CPA6: variants seen among roughly 807,000 people sequenced by gnomAD.
CPA6 encodes the protein carboxypeptidase B.
CPA6 carries 58 observed loss-of-function variants against 63.3 expected under a neutral mutation model. The ratio of observed to expected loss-of-function variants is 0.92; its 90% CI spans 0.74 to 1.14. The LOEUF is 1.14. CPA6 is among the 50% of genes most tolerant of loss of function. The pLI, the probability that CPA6 is intolerant of heterozygous loss-of-function variation, is 0.00. For synonymous variants in CPA6, 185 were observed against 179.0 expected, an observed-to-expected ratio of 1.03 and a Z score of -0.27; for missense variants, 565 against 526.6, an observed-to-expected ratio of 1.07 and a Z score of -0.71.
At chr8:67,697,074 C>G (rs1816925674) in intron 1 of CPA6, among the ~76,000 whole-genome samples, 1 of 152,158 alleles carries the variant, frequency 6.6e-6, no homozygotes. Flanking sequence ...GAAATAGTCT[C>G]AGAGAGATTG....
rs953378346 is a variant in CPA6 at position 67,436,007 on chromosome 8, G to A, written c.839-1767C>T. Among the ~76,000 whole-genome samples the A allele has an allele frequency of 4.6e-5, 7 of 151,076 alleles. 1 individual carries two copies. Among genetic ancestry groups the A allele is most frequent in the Admixed American group, 2.0e-4 (3 of 15,262 alleles). On this transcript the variant is annotated intron_variant, in intron 8 of 10. Transcript: ENST00000297770. The stretch of plus-strand genomic sequence containing the variant: ...CAGGGCTTGGGGGAGGGCGTAAGGT[G>A]GGGGGAAATGCCACAGCTTTTAGCA...
intron 1 of CPA6, among the ~76,000 whole-genome samples, chr8:67,660,374 A>G (rs1490739879): frequency 7.9e-6 from 1 of 126,810 alleles, no homozygotes; most frequent in African/African-American, 3.3e-5. Flanking sequence ...CTGTCACCCA[A>G]GCTGGAGCAG....
Position 67,677,662 on chromosome 8 carries a change from G to A in CPA6, c.117-53411C>T, listed in dbSNP as rs1207815893. Among the ~76,000 whole-genome samples the A allele has an allele frequency of 3.9e-5, 6 of 152,154 alleles. 1 individual carries two copies. Among genetic ancestry groups the A allele is most frequent in the Admixed American group, 3.9e-4 (6 of 15,288 alleles). ...GATCCAAAGAGACATAGATACAAGT[G>A]TAAAGATATAGATGTTATTTTCTGG... On this transcript the variant is annotated intron_variant, in intron 1 of 10. Transcript: ENST00000297770.
intron 1 of CPA6, among the ~76,000 whole-genome samples, chr8:67,738,178 T>C (rs1277102265): frequency 6.6e-6 from 1 of 152,206 alleles, no homozygotes; most frequent in Admixed American, 6.5e-5. Flanking sequence ...GCTGTAGTTA[T>C]CTCTAACATG....
At chr8:67,715,529 A>C (rs1001451293) in intron 1 of CPA6, among the ~76,000 whole-genome samples, 5 of 152,214 alleles carry the variant, frequency 3.3e-5, no homozygotes, top group Non-Finnish European at 5.9e-5. Flanking sequence ...CTGTGATTGC[A>C]CCTAGTGATA....
intron 1 of CPA6, among the ~76,000 whole-genome samples, chr8:67,709,816 T>G (rs1817216258): frequency 6.6e-6 from 1 of 152,098 alleles, no homozygotes; most frequent in Non-Finnish European, 1.5e-5. Context: ...ATAGGTGGAT[T>G]AAAAGATTTT....
At chr8:67,616,529 G>C (rs1000195742) in intron 2 of CPA6, among the ~76,000 whole-genome samples, 5 of 149,868 alleles carry the variant, frequency 3.3e-5, no homozygotes, top group African/African-American at 1.3e-4. Flanking sequence ...GTGTGTGTGT[G>C]TGTGTGTGTG....
In CPA6 at chr8:67,519,250, C is replaced by T. The variant is rs143442849; in HGVS notation, c.193-1203G>A. ...GGCCTTCATCAAAGGCACAATGGAA[C>T]GCAGATGGAAGGGACGAGAGCCCTA... On this transcript the variant is annotated intron_variant, in intron 2 of 10. Transcript: ENST00000297770. 9.4e-3 allele frequency among the ~76,000 whole-genome samples: 1,430 copies of T among 152,286 alleles called. 23 individuals are homozygous for T. Among genetic ancestry groups the T allele is most frequent in the African/African-American group, 0.033 (1,371 of 41,556 alleles).
At chr8:67,612,155 G>C (rs1387943499) in intron 2 of CPA6, among the ~76,000 whole-genome samples, 2 of 152,108 alleles carry the variant, frequency 1.3e-5, no homozygotes, top group Non-Finnish European at 2.9e-5. Context: ...CCCTGGATAT[G>C]GTGGCTGAAG....
chr8:67,446,002 C>T (rs1046092311), intron 8 of CPA6, among the ~76,000 whole-genome samples: 2 of 152,148 alleles, frequency 1.3e-5, no homozygotes, highest in African/African-American at 4.8e-5. Flanking sequence ...CGGTGGCTCA[C>T]GCCTGTAATC....
At chr8:67,631,513 A>G (rs1375340884) in intron 1 of CPA6, among the ~76,000 whole-genome samples, 1 of 152,050 alleles carries the variant, frequency 6.6e-6, no homozygotes, top group African/African-American at 2.4e-5. Context: ...TCATAAATGC[A>G]CCAATCAGCA....
At chr8:67,450,569 A>G (rs1810534517) in intron 8 of CPA6, among the ~76,000 whole-genome samples, 1 of 152,222 alleles carries the variant, frequency 6.6e-6, no homozygotes, top group Non-Finnish European at 1.5e-5. Flanking sequence ...TTTCTCCTTC[A>G]AGATTGAGTA....
At chr8:67,536,229 G>A (rs1454636013) in intron 2 of CPA6, among the ~76,000 whole-genome samples, 1 of 152,160 alleles carries the variant, frequency 6.6e-6, no homozygotes, top group Non-Finnish European at 1.5e-5. Flanking sequence ...CTAATTCTGT[G>A]AAGAAAGTCA....
chr8:67,708,329 TA>T (rs1382718850), intron 1 of CPA6, among the ~76,000 whole-genome samples: 2 of 152,200 alleles, frequency 1.3e-5, no homozygotes, highest in African/African-American at 4.8e-5. Flanking sequence ...TTGCTTTTAA[TA>T]AAAAAGAGCA....
At chr8:67,570,515 A>G (rs1048554762) in intron 2 of CPA6, among the ~76,000 whole-genome samples, 1 of 152,234 alleles carries the variant, frequency 6.6e-6, no homozygotes, top group African/African-American at 2.4e-5. Context: ...TAAATTACCA[A>G]GGGATACATA....
At chr8:67,449,743 T>A (rs746726799) in intron 8 of CPA6, among the ~76,000 whole-genome samples, 12 of 151,240 alleles carry the variant, frequency 7.9e-5, no homozygotes, top group Admixed American at 2.0e-4. Flanking sequence ...TCTCATGTTC[T>A]CCCTTCCTGT....
intron 8 of CPA6, among the ~76,000 whole-genome samples, chr8:67,482,357 A>C (rs1363565887): frequency 6.6e-6 from 1 of 152,224 alleles, no homozygotes; most frequent in Non-Finnish European, 1.5e-5. Context: ...AGAGAAGGGA[A>C]AGTGAAAAGT....
At chr8:67,475,700 T>A (rs1025782627) in intron 8 of CPA6, among the ~76,000 whole-genome samples, 5 of 151,960 alleles carry the variant, frequency 3.3e-5, no homozygotes, top group African/African-American at 1.2e-4. Flanking sequence ...TTTCTTTTCT[T>A]TCCTTTCCTT....
At position 67,637,184 on chromosome 8, in the gene CPA6, C is replaced by T. The variant is rs917917162; in HGVS notation, c.117-12933G>A. Among the ~76,000 whole-genome samples the T allele has an allele frequency of 1.3e-4, 20 of 151,654 alleles. 2 individuals carry two copies. Among genetic ancestry groups the T allele is most frequent in the African/African-American group, 4.9e-4 (20 of 40,940 alleles). Reference sequence around the variant, plus strand: ...AGTCTTCAGAAACCTGACAGCTGGACTTCACTTTATAACAGAAATTTTCTC... The same window carrying T: ...AGTCTTCAGAAACCTGACAGCTGGATTTCACTTTATAACAGAAATTTTCTC... On this transcript the variant is annotated intron_variant, in intron 1 of 10. Coordinates refer to ENST00000297770, the MANE Select transcript of CPA6 (RefSeq NM_020361.5).
Sources: gnomAD v4.1 joint callset for allele counts (sites outside exome capture counted in the v4.1 genomes callset) on GRCh38, gnomAD v4.1.1 for gene constraint, MANE v1.5 for transcripts, NCBI Gene and HGNC (gene_info 2026-07-23, HGNC 2026-07-21) for gene names.